CTNNA1: variants seen among roughly 807,000 people sequenced by gnomAD.
CTNNA1 encodes the protein catenin alpha 1, also known as catenin alpha-1.
In CTNNA1, 37 loss-of-function variants were observed where a neutral mutation model predicts 98.4. The ratio of observed to expected loss-of-function variants is 0.38; its 90% confidence interval spans 0.29 to 0.49. The LOEUF is 0.49. Among genes scored for constraint, CTNNA1 ranks in the 20% least tolerant of loss-of-function variants. CTNNA1 has a pLI of 0.95. For synonymous variants in CTNNA1, 404 were observed against 413.2 expected (o/e 0.98, Z 0.27); for missense variants, 761 against 1,147.2 (o/e 0.66, Z 4.86).
intron 2 of CTNNA1, among the ~76,000 whole-genome samples, chr5:138,782,805 AGT>A (rs1755269922): frequency 6.6e-6 from 1 of 152,230 alleles, no homozygotes; most frequent in African/African-American, 2.4e-5. Context: ...AAACAGTGGC[AGT>A]GTGATCTCCA....
At chr5:138,766,860 C>T (rs574615867) in intron 1 of CTNNA1, among the ~76,000 whole-genome samples, 3 of 152,080 alleles carry the variant, frequency 2.0e-5, no homozygotes, top group East Asian at 3.9e-4. Flanking sequence ...ACTGTGGTAA[C>T]GGGAAGAGGT....
intron 7 of CTNNA1, among the ~76,000 whole-genome samples, chr5:138,860,387 A>C (rs1422802716): frequency 6.6e-6 from 1 of 152,122 alleles, no homozygotes; most frequent in African/African-American, 2.4e-5. Context: ...ATTTTTTTTG[A>C]CACTTTAGGA....
intron 5 of CTNNA1, among the ~76,000 whole-genome samples, chr5:138,824,163 A>G (rs1399661070): frequency 6.6e-6 from 1 of 152,110 alleles, no homozygotes; most frequent in Non-Finnish European, 1.5e-5. Context: ...TGCTGTGCTA[A>G]GTACTTTACA....
At chr5:138,829,101 G>A (rs1561570114) in intron 7 of CTNNA1, among the ~76,000 whole-genome samples, 1 of 151,946 alleles carries the variant, frequency 6.6e-6, no homozygotes, top group African/African-American at 2.4e-5. Flanking sequence ...CAGCCTGGGC[G>A]ACAGAGCGAG....
At chr5:138,913,925 ACTGCAGC>A in intron 10 of CTNNA1, among the ~76,000 whole-genome samples, 1 of 152,208 alleles carries the variant, frequency 6.6e-6, no homozygotes, top group Non-Finnish European at 1.5e-5. Flanking sequence ...ATCATGGCTT[ACTGCAGC>A]CTTGGCATCC....
At chr5:138,911,133 AG>A (rs1220055916) in intron 10 of CTNNA1, among the ~76,000 whole-genome samples, 1 of 152,140 alleles carries the variant, frequency 6.6e-6, no homozygotes, top group Non-Finnish European at 1.5e-5. Context: ...GCTACATGGA[AG>A]GCCGAGGTGG....
At chr5:138,771,620 CAA>C (rs1263532405) in intron 1 of CTNNA1, among the ~76,000 whole-genome samples, 1 of 152,072 alleles carries the variant, frequency 6.6e-6, no homozygotes, top group African/African-American at 2.4e-5. Context: ...CTCCTGAGCT[CAA>C]GTGATCCTCC....
chr5:138,802,990 CA>C (rs1757734646), intron 3 of CTNNA1, among the ~76,000 whole-genome samples: 3 of 151,686 alleles, frequency 2.0e-5, no homozygotes, highest in African/African-American at 7.3e-5. Context: ...TAAATAGAGA[CA>C]GGTTCTCACT....
chr5:138,809,440 A>G (rs577345973), intron 3 of CTNNA1, among the ~76,000 whole-genome samples: 3 of 152,312 alleles, frequency 2.0e-5, no homozygotes, highest in African/African-American at 7.2e-5. Context: ...TTTTCATAAT[A>G]GTCAATTGTA....
chr5:138,784,008 C>G (rs1423795244), intron 3 of CTNNA1, among the ~76,000 whole-genome samples: 1 of 152,138 alleles, frequency 6.6e-6, no homozygotes, highest in Non-Finnish European at 1.5e-5. Context: ...AAAAATTGTC[C>G]TTATTATGTT....
intron 7 of CTNNA1, among the ~76,000 whole-genome samples, chr5:138,858,925 T>G (rs1051708784): frequency 3.3e-5 from 5 of 152,226 alleles, no homozygotes; most frequent in Admixed American, 3.3e-4. Context: ...TTCAAGTACA[T>G]GAGTTCTACA....
chr5:138,854,570 G>C (rs1001726855), intron 7 of CTNNA1, among the ~76,000 whole-genome samples: 2 of 152,158 alleles, frequency 1.3e-5, no homozygotes, highest in Non-Finnish European at 2.9e-5. Flanking sequence ...CTGCAATAGC[G>C]TAAAATATAG....
chr5:138,894,958 A>G (rs1208804329), intron 9 of CTNNA1, among the ~76,000 whole-genome samples: 1 of 152,120 alleles, frequency 6.6e-6, no homozygotes, highest in Non-Finnish European at 1.5e-5. Context: ...CCTCCATTGC[A>G]TCCTCTAGCA....
At chr5:138,836,070 C>T (rs1420557785) in intron 7 of CTNNA1, among the ~76,000 whole-genome samples, 1 of 152,134 alleles carries the variant, frequency 6.6e-6, no homozygotes, top group Admixed American at 6.5e-5. Flanking sequence ...AGGCTGGTCT[C>T]GAACACCTGG....
intron 7 of CTNNA1, among the ~76,000 whole-genome samples, chr5:138,879,015 G>A (rs1479205860): frequency 1.3e-5 from 2 of 151,948 alleles, no homozygotes; most frequent in Non-Finnish European, 2.9e-5. Context: ...TTCAAGACCA[G>A]CCTGGCCAAG....
chr5:138,887,954 A>C (rs1292934020), intron 9 of CTNNA1, among the ~76,000 whole-genome samples: 5 of 152,360 alleles, frequency 3.3e-5, no homozygotes, highest in Admixed American at 1.3e-4. Context: ...ATGCCTAAGA[A>C]CCAGAGCTCA....
intron 1 of CTNNA1, among the ~76,000 whole-genome samples, chr5:138,776,198 G>A (rs967355159): frequency 5.0e-4 from 76 of 151,566 alleles, no homozygotes; most frequent in African/African-American, 1.6e-3. Context: ...GCGGCCTTCC[G>A]CAGTGTTTGT....
Position 138,906,076 on chromosome 5 carries a change from G to T in CTNNA1, c.1389+1635G>T, listed in dbSNP as rs529364917. ...AAGGTAGGCAACCAAAATAAGTAAA[G>T]CCTCTCTCGGTGGTTATTAATCTGT... On this transcript the variant is annotated intron_variant, in intron 10 of 17. Transcript: ENST00000302763. Among the ~76,000 whole-genome samples, 16 of 152,208 alleles carry T rather than the reference G, an allele frequency of 1.1e-4. No homozygotes were observed. In the South Asian group the frequency reaches 3.1e-3, roughly 30 times the overall value.
intron 7 of CTNNA1, among the ~76,000 whole-genome samples, chr5:138,863,671 G>A (rs73263468): frequency 0.029 from 4,360 of 152,300 alleles, 217 homozygotes; most frequent in African/African-American, 0.1. Flanking sequence ...CTTGCCTGCT[G>A]CACAGAAAAA....
Sources: gnomAD v4.1 joint callset for allele counts (sites outside exome capture counted in the v4.1 genomes callset) on GRCh38, gnomAD v4.1.1 for gene constraint, MANE v1.5 for transcripts, NCBI Gene and HGNC (gene_info 2026-07-23, HGNC 2026-07-21) for gene names.